PIP4K2A: variants seen among roughly 807,000 people sequenced by gnomAD.
The protein encoded by PIP4K2A is phosphatidylinositol-5-phosphate 4-kinase type 2 alpha.
A neutral mutation model predicts 42.9 loss-of-function variants in PIP4K2A; 14 were observed. The ratio of observed to expected loss-of-function variants is 0.33; its 90% CI spans 0.22 to 0.51. PIP4K2A has a LOEUF of 0.51. Among genes scored for constraint, PIP4K2A ranks in the 20% least tolerant of loss-of-function variants. The pLI, the probability that PIP4K2A is intolerant of heterozygous loss-of-function variation, is 0.97. For missense variants in PIP4K2A, 434 were observed against 519.8 expected, an observed-to-expected ratio of 0.83 and a Z score of 1.61; for synonymous variants, 192 against 192.2, an observed-to-expected ratio of 1.00 and a Z score of 0.01.
intron 6 of PIP4K2A, among the ~76,000 whole-genome samples, chr10:22,556,711 A>C (rs908988489): frequency 6.6e-6 from 1 of 152,220 alleles, no homozygotes; most frequent in African/African-American, 2.4e-5. Flanking sequence ...AATACTAGGG[A>C]ATGGTGAACT....
At chr10:22,585,513 A>T (rs945870178) in intron 4 of PIP4K2A, among the ~76,000 whole-genome samples, 1 of 152,252 alleles carries the variant, frequency 6.6e-6, no homozygotes, top group African/African-American at 2.4e-5. Context: ...ATATTTTCAT[A>T]AGGTATTTCT....
intron 1 of PIP4K2A, among the ~76,000 whole-genome samples, chr10:22,692,477 A>G (rs1839892873): frequency 6.6e-6 from 1 of 152,174 alleles, no homozygotes; most frequent in Non-Finnish European, 1.5e-5. Flanking sequence ...AAAATTGTCT[A>G]AAATCCACAC....
chr10:22,687,361 G>C (rs544931879), intron 1 of PIP4K2A, among the ~76,000 whole-genome samples: 1 of 152,048 alleles, frequency 6.6e-6, no homozygotes, highest in Non-Finnish European at 1.5e-5. Context: ...TATCAGAGCC[G>C]AGGTGGAGGG....
chr10:22,698,018 T>G (rs572048987), intron 1 of PIP4K2A, among the ~76,000 whole-genome samples: 14 of 152,288 alleles, frequency 9.2e-5, no homozygotes, highest in Non-Finnish European at 1.9e-4. Context: ...CCACAGACAG[T>G]GGACAGCGAC....
chr10:22,549,423 G>A (rs73598561), intron 7 of PIP4K2A, among the ~76,000 whole-genome samples: 3,472 of 151,532 alleles, frequency 0.023, 67 homozygotes, highest in Middle Eastern at 0.061. Flanking sequence ...TAGCAGATCC[G>A]TACTGGTGTG....
At chr10:22,573,193 G>T in intron 5 of PIP4K2A, 118 bp downstream of exon 5, 1 of 878,762 alleles carries the variant, frequency 1.1e-6, no homozygotes, top group Non-Finnish European at 1.8e-6. Flanking sequence ...ACTGCTACTT[G>T]TCTGGTAGCT....
chr10:22,601,743 C>G (rs1167897832), intron 3 of PIP4K2A, among the ~76,000 whole-genome samples: 1 of 152,212 alleles, frequency 6.6e-6, no homozygotes, highest in Non-Finnish European at 1.5e-5. Flanking sequence ...AGAGTTGTGA[C>G]CCAGAATGCC....
chr10:22,624,205 G>A (rs536898423), intron 1 of PIP4K2A, among the ~76,000 whole-genome samples: 1 of 152,300 alleles, frequency 6.6e-6, no homozygotes, highest in Non-Finnish European at 1.5e-5. Flanking sequence ...TTAACATGTA[G>A]AAGCTTCTTT....
chr10:22,589,876 T>C (rs776023332), intron 4 of PIP4K2A, among the ~76,000 whole-genome samples: 3 of 152,204 alleles, frequency 2.0e-5, no homozygotes, highest in Non-Finnish European at 4.4e-5. Flanking sequence ...TTGGGAGCTA[T>C]TTAAGTTAAA....
At chr10:22,663,130 C>T (rs759507202) in intron 1 of PIP4K2A, among the ~76,000 whole-genome samples, 19 of 152,300 alleles carry the variant, frequency 1.2e-4, no homozygotes, top group Middle Eastern at 3.4e-3. Context: ...CTGACAATTC[C>T]AGCTGTATTT....
At chr10:22,662,089 C>T (rs1487428798) in intron 1 of PIP4K2A, among the ~76,000 whole-genome samples, 4 of 152,080 alleles carry the variant, frequency 2.6e-5, no homozygotes, top group Non-Finnish European at 5.9e-5. Context: ...AAAAATGTAC[C>T]CACCATTTAT....
At chr10:22,591,007 G>A (rs1837497837) in intron 4 of PIP4K2A, among the ~76,000 whole-genome samples, 1 of 152,224 alleles carries the variant, frequency 6.6e-6, no homozygotes, top group African/African-American at 2.4e-5. Context: ...GCTGGGCCTT[G>A]GGAACATGTG....
intron 1 of PIP4K2A, among the ~76,000 whole-genome samples, chr10:22,689,828 C>T (rs1028192816): frequency 2.6e-5 from 4 of 152,188 alleles, no homozygotes; most frequent in African/African-American, 9.7e-5. Flanking sequence ...ATGGTTGTTG[C>T]CACAACACCT....
At chr10:22,600,471 G>A (rs1184071374) in intron 3 of PIP4K2A, among the ~76,000 whole-genome samples, 1 of 152,144 alleles carries the variant, frequency 6.6e-6, no homozygotes, top group East Asian at 1.9e-4. Flanking sequence ...TGAGGAAACT[G>A]AGACCCACCA....
chr10:22,581,118 G>C (rs1363750890), intron 4 of PIP4K2A, among the ~76,000 whole-genome samples: 1 of 146,294 alleles, frequency 6.8e-6, no homozygotes, highest in African/African-American at 2.6e-5. Context: ...ATACCGAAGA[G>C]TGTTCCTTTC....
chr10:22,631,093 C>T (rs763227425), intron 1 of PIP4K2A, among the ~76,000 whole-genome samples: 7 of 152,268 alleles, frequency 4.6e-5, no homozygotes, highest in East Asian at 3.9e-4. Context: ...CCACAGGATA[C>T]GACGTTCAGT....
intron 4 of PIP4K2A, among the ~76,000 whole-genome samples, chr10:22,581,157 C>G (rs1429362546): frequency 7.3e-6 from 1 of 137,230 alleles, no homozygotes; most frequent in Non-Finnish European, 1.6e-5. Flanking sequence ...GCTTTTCTTT[C>G]CCCTGAGGCA....
chr10:22,681,709 A>C (rs927889978), intron 1 of PIP4K2A, among the ~76,000 whole-genome samples: 14 of 152,066 alleles, frequency 9.2e-5, no homozygotes, highest in Admixed American at 8.5e-4. Context: ...TTAAATTAAA[A>C]TTAAAAAATA....
intron 6 of PIP4K2A, among the ~76,000 whole-genome samples, chr10:22,562,556 A>T (rs147866281): frequency 1.2e-4 from 19 of 152,338 alleles, no homozygotes; most frequent in African/African-American, 4.3e-4. Flanking sequence ...CTCGAAAAAA[A>T]ACAAAACAGT....
Sources: allele counts gnomAD v4.1 joint callset (sites outside exome capture counted in the v4.1 genomes callset), GRCh38; gene constraint gnomAD v4.1.1; transcripts MANE v1.5; gene names NCBI Gene and HGNC (gene_info 2026-07-23, HGNC 2026-07-21).